The following SLC39A11 variants were observed in gnomAD, a reference collection of about 807,000 sequenced individuals.
SLC39A11 encodes zinc transporter ZIP11.
In SLC39A11, 33 loss-of-function variants were observed where a neutral mutation model predicts 36.1. The ratio of observed to expected loss-of-function variants is 0.91; its 90% CI spans 0.69 to 1.22. The LOEUF (loss-of-function observed/expected upper bound fraction) is 1.22, where lower values mean the gene tolerates loss of function less well. Among genes scored for constraint, SLC39A11 ranks in the 50% most tolerant of loss-of-function variants. The pLI, the probability that SLC39A11 is intolerant of heterozygous loss-of-function variation, is 0.00. For synonymous variants in SLC39A11, 166 were observed against 170.3 expected, an observed-to-expected ratio of 0.97 and a Z score of 0.20; for missense variants, 432 against 430.3, an observed-to-expected ratio of 1.00 and a Z score of -0.03.
At chr17:72,783,301 T>G (rs2076390332) in intron 6 of SLC39A11, among the ~76,000 whole-genome samples, 1 of 152,220 alleles carries the variant, frequency 6.6e-6, no homozygotes, top group Non-Finnish European at 1.5e-5. Flanking sequence ...TATGGCACTT[T>G]GTTATAGAAG....
chr17:72,954,661 A>G (rs1297518264), intron 4 of SLC39A11, among the ~76,000 whole-genome samples: 6 of 152,240 alleles, frequency 3.9e-5, no homozygotes, highest in East Asian at 1.9e-4. Context: ...TCGTAACACA[A>G]TCTTTTAAAT....
rs1040456351 is a variant in SLC39A11 at position 72,949,150 on chromosome 17, T to G, written c.307-1275A>C. 2.6e-4 allele frequency among the ~76,000 whole-genome samples: 22 copies of G among 84,794 alleles called. No homozygotes were observed. In the African/African-American group the frequency reaches 2.7e-3, roughly 10 times the overall value. 55.6% of individuals were successfully genotyped at this position (84,794 alleles called of 152,430 possible). ...AATACCATACACTGGGCAGCTTTTT[T>G]TTTTTTTTTTTTTTTTTTTTTTTTT... is the stretch of plus-strand genomic sequence containing the variant. On this transcript the variant is annotated intron_variant, in intron 4 of 9. Transcript: ENST00000255559.
intron 7 of SLC39A11, among the ~76,000 whole-genome samples, chr17:72,706,698 G>A (rs1221205345): frequency 6.6e-6 from 1 of 152,166 alleles, no homozygotes; most frequent in East Asian, 1.9e-4. Context: ...CTTAATTTCT[G>A]TTTACAATGT....
At chr17:73,033,210 G>A (rs151235213) in intron 3 of SLC39A11, among the ~76,000 whole-genome samples, 2 of 152,206 alleles carry the variant, frequency 1.3e-5, no homozygotes, top group East Asian at 1.9e-4. Context: ...TCACTTGTCC[G>A]CTGCTCACCT....
chr17:72,652,031 G>C (rs1015127023), intron 7 of SLC39A11, among the ~76,000 whole-genome samples: 3 of 152,334 alleles, frequency 2.0e-5, no homozygotes, highest in Middle Eastern at 3.4e-3. Context: ...TCATGGGCCA[G>C]ATAGTAAATA....
intron 4 of SLC39A11, among the ~76,000 whole-genome samples, chr17:72,956,526 C>G (rs954701069): frequency 2.0e-5 from 3 of 152,206 alleles, no homozygotes; most frequent in African/African-American, 7.2e-5. Context: ...TCAAAAATAT[C>G]ATTTTCCTTA....
chr17:72,838,706 G>C (rs945662349), intron 6 of SLC39A11, among the ~76,000 whole-genome samples: 3 of 152,342 alleles, frequency 2.0e-5, no homozygotes, highest in Admixed American at 6.5e-5. Context: ...GAGAAAGAGA[G>C]AGATTGAGCG....
At chr17:72,656,938 G>A (rs1181832543) in intron 7 of SLC39A11, among the ~76,000 whole-genome samples, 1 of 151,622 alleles carries the variant, frequency 6.6e-6, no homozygotes, top group East Asian at 1.9e-4. Flanking sequence ...GAGGCCAGGA[G>A]TTTGACCAGC....
intron 6 of SLC39A11, among the ~76,000 whole-genome samples, chr17:72,764,827 A>G (rs1193488771): frequency 2.6e-5 from 4 of 152,208 alleles, no homozygotes; most frequent in Non-Finnish European, 5.9e-5. Context: ...ACGTTTCCAA[A>G]AACCAACCAC....
intron 3 of SLC39A11, among the ~76,000 whole-genome samples, chr17:73,053,293 C>T (rs1178655173): frequency 6.6e-6 from 1 of 150,802 alleles, no homozygotes; most frequent in Non-Finnish European, 1.5e-5. Flanking sequence ...ATTGATACTA[C>T]TGAGAAGAAA....
intron 4 of SLC39A11, among the ~76,000 whole-genome samples, chr17:72,969,261 C>T (rs1267199613): frequency 6.6e-6 from 1 of 152,062 alleles, no homozygotes. Flanking sequence ...AGCAGCTAGA[C>T]ACCGAGCGCC....
chr17:72,844,560 T>C (rs1026691535), intron 6 of SLC39A11, among the ~76,000 whole-genome samples: 5 of 152,038 alleles, frequency 3.3e-5, no homozygotes, highest in African/African-American at 1.2e-4. Context: ...TCCCAACCAC[T>C]TGAGAGGCCG....
Position 73,004,232 on chromosome 17 carries a change from A to AAAGAAAGAAAGAAAGAAAAGAAAGAAAG in SLC39A11, c.306+27323_306+27324insCTTTCTTTCTTTTCTTTCTTTCTTTCTT. Among the ~76,000 whole-genome samples, 200 of 88,708 alleles carry AAAGAAAGAAAGAAAGAAAAGAAAGAAAG rather than the reference A, an allele frequency of 2.3e-3. 14 individuals are homozygous for AAAGAAAGAAAGAAAGAAAAGAAAGAAAG. Among genetic ancestry groups the AAAGAAAGAAAGAAAGAAAAGAAAGAAAG allele is most frequent in the African/African-American group, 7.6e-3 (181 of 23,714 alleles). 58.2% of individuals were successfully genotyped at this position (88,708 alleles called of 152,430 possible). A position where few individuals can be genotyped will look rare whatever the true frequency, so the allele number is the denominator to read the frequency against. Reference sequence around the variant, plus strand: ...GAAAGAAAGAAAGAAAGAAAGAAAGAAAAGAAAGAAAGAGAAAAAGCAAGC... The same window carrying AAAGAAAGAAAGAAAGAAAAGAAAGAAAG: ...GAAAGAAAGAAAGAAAGAAAGAAAGAAAGAAAGAAAGAAAGAAAAGAAAGAAAGAAAGAAAGAAAGAGAAAAAGCAAGC... On this transcript the variant is annotated intron_variant, in intron 4 of 9. Transcript: ENST00000255559.
intron 6 of SLC39A11, among the ~76,000 whole-genome samples, chr17:72,749,068 A>T (rs2075051487): frequency 6.6e-6 from 1 of 152,252 alleles, no homozygotes; most frequent in Admixed American, 6.5e-5. Context: ...GGGACTAAGC[A>T]GAAGCAAAGA....
rs749026883 is a variant in SLC39A11 at position 73,049,070 on chromosome 17, C to G, written c.148-17356G>C. The stretch of plus-strand genomic sequence containing the variant: ...CAATTCAATGCTATGTATAAGTGAG[C>G]TGCTATTTGTACACAGGTCTGTAGA... On this transcript the variant is annotated intron_variant, in intron 3 of 9. Coordinates refer to ENST00000255559, the MANE Select transcript of SLC39A11 (RefSeq NM_139177.4). Among the ~76,000 whole-genome samples the G allele has an allele frequency of 5.3e-5, 8 of 152,336 alleles. 1 individual carries two copies. Among genetic ancestry groups the G allele is most frequent in the Admixed American group, 5.2e-4 (8 of 15,304 alleles).
intron 6 of SLC39A11, among the ~76,000 whole-genome samples, chr17:72,847,099 C>T (rs569541386): frequency 6.6e-6 from 1 of 152,168 alleles, no homozygotes; most frequent in East Asian, 1.9e-4. Flanking sequence ...ATACTGAATA[C>T]CAAGATCTAG....
intron 6 of SLC39A11, among the ~76,000 whole-genome samples, chr17:72,825,775 G>T (rs1199323262): frequency 1.3e-5 from 2 of 152,210 alleles, no homozygotes; most frequent in Non-Finnish European, 2.9e-5. Context: ...TGACTGCCCT[G>T]CTGGGTTTTG....
chr17:72,863,809 G>A (rs951376273), intron 5 of SLC39A11, among the ~76,000 whole-genome samples: 1 of 152,198 alleles, frequency 6.6e-6, no homozygotes, highest in Non-Finnish European at 1.5e-5. Context: ...TTACTTAATT[G>A]AAATCCAGGC....
Position 72,673,392 on chromosome 17 carries a change from C to T in SLC39A11, c.672-24124G>A, listed in dbSNP as rs1276752206. On this transcript the variant is annotated intron_variant, in intron 7 of 9. Coordinates refer to ENST00000255559, the MANE Select transcript of SLC39A11 (RefSeq NM_139177.4). Reference sequence around the variant, plus strand: ...TGCTGGGATTACAAGTGTGAGCCACCGTGCCCGGCCTCTTTCTCTATTTGT... The same window carrying T: ...TGCTGGGATTACAAGTGTGAGCCACTGTGCCCGGCCTCTTTCTCTATTTGT... 7.2e-5 allele frequency among the ~76,000 whole-genome samples: 11 copies of T among 152,122 alleles called. No individual in the cohort carries two copies. The East Asian group carries it at 9.6e-4, about 13-fold the overall frequency.
Sources: gnomAD v4.1 joint callset for allele counts (sites outside exome capture counted in the v4.1 genomes callset) on GRCh38, gnomAD v4.1.1 for gene constraint, MANE v1.5 for transcripts, NCBI Gene and HGNC (gene_info 2026-07-23, HGNC 2026-07-21) for gene names.